The following SYT3 variants were observed in gnomAD, a reference collection of about 807,000 sequenced individuals.
SYT3 encodes synaptotagmin-3.
Under a neutral mutation model 50.6 loss-of-function variants are expected in SYT3, and 25 were observed. That is an observed-to-expected ratio of 0.49 (90% confidence interval 0.36 to 0.69). The LOEUF (loss-of-function observed/expected upper bound fraction) is 0.69, where lower values mean the gene tolerates loss of function less well. SYT3 is among the 30% of genes least tolerant of loss of function. The pLI, the probability that SYT3 is intolerant of heterozygous loss-of-function variation, is 0.00. For missense variants in SYT3, 589 were observed against 793.6 expected, an observed-to-expected ratio of 0.74 and a Z score of 3.10; for synonymous variants, 323 against 353.9, an observed-to-expected ratio of 0.91 and a Z score of 0.98.
In SYT3 at chr19:50,637,190, C is replaced by T; in HGVS notation, c.148+74G>A. 1 of 1,549,396 alleles carries T rather than the reference C, an allele frequency of 6.5e-7. No individual in the cohort carries two copies. Among genetic ancestry groups the T allele is most frequent in the South Asian group, 1.2e-5 (1 of 86,170 alleles). ...GACTGACCCCACAAGCAATGGAAAGCTGAGCAGTTCTGCTCCGAGTCTCCT... is the reference window on the plus strand; with the variant it reads ...GACTGACCCCACAAGCAATGGAAAGTTGAGCAGTTCTGCTCCGAGTCTCCT... On this transcript the variant is annotated intron_variant, in intron 3 of 10. Coordinates refer to ENST00000600079, the MANE Select transcript of SYT3 (RefSeq NM_001160329.2). This position sits in a 1 kb window ranked among gnomAD's most constrained non-coding sequence, Gnocchi z 4.9.
Position 50,625,534 on chromosome 19 carries a change from T to G in SYT3, c.1433A>C (p.Glu478Ala), listed in dbSNP as rs1231704250. The G allele has an allele frequency of 6.2e-7, 1 of 1,603,820 alleles. No homozygotes were observed. Residue 478 changes from glutamate to alanine, a missense_variant, in exon 8 of 11, where the codon GAG becomes GCG. Glu to Ala is a moderately radical substitution (Grantham distance 107, BLOSUM62 -1). Around this residue, in one of 2 missense-constraint regions of SYT3, gnomAD observed 273 missense variants for 439.3 expected, o/e 0.62. Transcript: ENST00000600079. This position sits in a 1 kb window ranked among gnomAD's most constrained non-coding sequence, Gnocchi z 7.5. ...TTTCCGCTTCTTCAGACGCCGCCCC[T>G]CGCTGATCAGGGAGGCCTTCACGTA... ...DPYVKASLIS[E>A]GRRLKKRKTS...
the SYT3 span, chr19:50,656,402 G>A: frequency 2.7e-6 from 4 of 1,493,158 alleles, no homozygotes; most frequent in South Asian, 2.6e-5. Context: ...GATGGGAAGG[G>A]CACAGGCTGA....
chr19:50,640,365 G>T (rs1431809110), upstream of SYT3, among the ~76,000 whole-genome samples: 2 of 152,140 alleles, frequency 1.3e-5, no homozygotes, highest in Middle Eastern at 3.2e-3. Flanking sequence ...ATTTCCTAAG[G>T]GATCCACAGT....
rs150723734 is a variant in SYT3, at chr19:50,638,480, G to A, written c.-16+545C>T. 2.0e-5 allele frequency among the ~76,000 whole-genome samples: 3 copies of A among 151,904 alleles called. No homozygotes were observed. The East Asian group carries it at 5.8e-4, about 29-fold the overall frequency. On this transcript the variant is annotated intron_variant, in intron 2 of 10. Coordinates refer to ENST00000600079, the MANE Select transcript of SYT3 (RefSeq NM_001160329.2). ...GAGGGAGGGAGAGATACAGGGAGGG[G>A]AGACAGAGATAATGTGAAGGGCAGA...
rs1039630055 is a variant in SYT3 at position 50,625,249 on chromosome 19, G to A, written c.1620C>T (p.Asp540=). ...EVIGVCRVGP[D]AADPHGREHW... ...GCTCGCGGCCGTGCGGGTCGGCAGC[G>A]TCGGGGCCCACACGGCACACGCCGA... Residue 540 remains aspartate, a synonymous_variant, in exon 9 of 11, where the codon GAC becomes GAT. Transcript: ENST00000600079. This position sits in a 1 kb window ranked among gnomAD's most constrained non-coding sequence, Gnocchi z 7.5. The A allele has an allele frequency of 5.1e-6, 8 of 1,562,826 alleles. No homozygotes were observed. Among genetic ancestry groups the A allele is most frequent in the African/African-American group, 2.7e-5 (2 of 74,040 alleles).
the SYT3 span, among the ~76,000 whole-genome samples, chr19:50,655,440 T>C: frequency 0.041 from 6,273 of 152,010 alleles, 223 homozygotes; most frequent in African/African-American, 0.093. Flanking sequence ...CACAAGGTCA[T>C]GAGATTGAGA....
intron 6 of SYT3, 78 bp downstream of exon 6, chr19:50,629,216 C>T: frequency 8.5e-7 from 1 of 1,180,632 alleles, no homozygotes; most frequent in Non-Finnish European, 1.2e-6. Context: ...AAGTTATGAA[C>T]TCTGAGGGCA....
At chr19:50,658,054 G>T in the SYT3 span, 1 of 1,536,068 alleles carries the variant, frequency 6.5e-7, no homozygotes, top group Non-Finnish European at 8.7e-7. Context: ...CAGGGGCCAT[G>T]GAGAGCGGGC....
the SYT3 span, among the ~76,000 whole-genome samples, chr19:50,646,378 A>C: frequency 6.6e-6 from 1 of 151,690 alleles, no homozygotes; most frequent in Non-Finnish European, 1.5e-5. Flanking sequence ...TGGCTCGTGA[A>C]GACCAGGAGG....
chr19:50,624,554 CT>C (rs35518299), intron 9 of SYT3, among the ~76,000 whole-genome samples: 199 of 137,930 alleles, frequency 1.4e-3, no homozygotes, highest in East Asian at 5.8e-3. Flanking sequence ...TCTTAAATGA[CT>C]TTTTTTTTTT....
the SYT3 span, chr19:50,656,210 T>C: frequency 1.3e-6 from 2 of 1,536,104 alleles, no homozygotes; most frequent in Non-Finnish European, 8.7e-7. Flanking sequence ...TCCCTGCCTG[T>C]TCGCTCTCTC....
At chr19:50,623,504 G>T (rs1204929748) in intron 9 of SYT3, among the ~76,000 whole-genome samples, 1 of 151,806 alleles carries the variant, frequency 6.6e-6, no homozygotes, top group Non-Finnish European at 1.5e-5. Context: ...TTGGCCAGGC[G>T]CGGTGGCTCA....
At chr19:50,630,283 G>A (rs972877840) in intron 4 of SYT3, 112 bp from the exon 5 acceptor site, 55 of 1,142,488 alleles carry the variant, frequency 4.8e-5, no homozygotes, top group Non-Finnish European at 5.5e-5. Flanking sequence ...CAGCCAGGTG[G>A]CCACAAGTCC....
At chr19:50,649,517 G>A in the SYT3 span, 53 of 1,536,014 alleles carry the variant, frequency 3.5e-5, no homozygotes, top group Middle Eastern at 1.7e-4. Flanking sequence ...GGCAGGTACT[G>A]AGCTGTGTCT....
intron 9 of SYT3, among the ~76,000 whole-genome samples, chr19:50,623,613 C>CAAAAAAAAAAAAAAAAAAAAAAA (rs529397903): frequency 7.6e-5 from 7 of 91,638 alleles, no homozygotes; most frequent in African/African-American, 1.3e-4. Flanking sequence ...CCTGTCTCTA[C>CAAAAAAAAAAAAAAAAAAAAAAA]AAAAAAAAAA....
intron 3 of SYT3, among the ~76,000 whole-genome samples, chr19:50,636,811 C>T (rs555289609): frequency 1.6e-4 from 25 of 152,326 alleles, no homozygotes; most frequent in African/African-American, 5.3e-4. Flanking sequence ...CTAAGTTCTT[C>T]GTAGGTGTTA....
chr19:50,656,216 C>G, the SYT3 span: 3 of 1,535,966 alleles, frequency 2.0e-6, no homozygotes, highest in Non-Finnish European at 2.6e-6. Flanking sequence ...CCTGTTCGCT[C>G]TCTCCCTAGA....
At chr19:50,657,460 C>T in the SYT3 span, among the ~76,000 whole-genome samples, 1 of 152,182 alleles carries the variant, frequency 6.6e-6, no homozygotes, top group Non-Finnish European at 1.5e-5. Context: ...ATGCTAATCA[C>T]GTGATGCAAC....
chr19:50,657,802 C>T, the SYT3 span, among the ~76,000 whole-genome samples: 1 of 152,204 alleles, frequency 6.6e-6, no homozygotes, highest in African/African-American at 2.4e-5. Flanking sequence ...GCTTTCCCAT[C>T]TGAGAGATAA....
Sources: allele counts gnomAD v4.1 joint callset (sites outside exome capture counted in the v4.1 genomes callset), GRCh38; gene constraint gnomAD v4.1.1; regional missense constraint gnomAD v4.1.1; non-coding constraint Gnocchi (gnomAD v3.1); transcripts MANE v1.5; gene names NCBI Gene and HGNC (gene_info 2026-07-23, HGNC 2026-07-21).